ME2: variants seen among roughly 807,000 people sequenced by gnomAD.
ME2 encodes NAD-dependent malic enzyme, mitochondrial.
ME2 carries 60 observed loss-of-function variants against 73.7 expected under a neutral mutation model. That is an observed-to-expected ratio of 0.81 (90% CI 0.66 to 1.01). The LOEUF is 1.01. Among genes scored for constraint, ME2 ranks in the 50% least tolerant of loss-of-function variants. The probability of loss-of-function intolerance (pLI) is 0.00; values close to 1 mark genes in which losing one functional copy is unlikely to be tolerated. For synonymous variants in ME2, 199 were observed against 236.9 expected, an observed-to-expected ratio of 0.84 and a Z score of 1.47; for missense variants, 594 against 705.5, an observed-to-expected ratio of 0.84 and a Z score of 1.79.
intron 11 of ME2, 63 bp from the exon 12 acceptor site, chr18:50,925,693 A>G (rs531290024): frequency 1.0e-5 from 14 of 1,340,298 alleles, no homozygotes; most frequent in South Asian, 1.2e-5. Flanking sequence ...TAGAAATGCT[A>G]TTGATAAGCA....
At chr18:50,919,499 T>C in intron 7 of ME2, among the ~76,000 whole-genome samples, 1 of 152,148 alleles carries the variant, frequency 6.6e-6, no homozygotes, top group Non-Finnish European at 1.5e-5. Context: ...AGTACCTTCT[T>C]AGTTACCCCA....
intron 12 of ME2, among the ~76,000 whole-genome samples, chr18:50,929,733 C>T (rs1477547517): frequency 6.6e-6 from 1 of 152,036 alleles, no homozygotes; most frequent in African/African-American, 2.4e-5. Context: ...AGCTTGATTG[C>T]CTGTCCTCTT....
In ME2 at chr18:50,879,149, GT is replaced by G. The variant is rs1916246466; in HGVS notation, c.-171del. 1 of 152,220 alleles carries G rather than the reference GT, an allele frequency of 6.6e-6. No homozygotes were observed. Among genetic ancestry groups the G allele is most frequent in the Non-Finnish European group, 1.5e-5 (1 of 68,060 alleles). 9.4% of individuals were successfully genotyped at this position (152,220 alleles called of 1,614,324 possible). A position where few individuals can be genotyped will look rare whatever the true frequency, so the allele number is the denominator to read the frequency against. Reference sequence around the variant, plus strand: ...GCCGCTCTTCGGGCCGCCTCTGCGTGTGGGGCCGCCCGCGCCAGTGTGAGCC... The same window carrying G: ...GCCGCTCTTCGGGCCGCCTCTGCGTGGGGGCCGCCCGCGCCAGTGTGAGCC... On this transcript the variant is annotated 5_prime_UTR_variant, in exon 1 of 16. Transcript: ENST00000321341.
In ME2 at chr18:50,950,749, A is replaced by G. The variant is rs542413753; in HGVS notation, c.*3565A>G. On this transcript the variant is annotated 3_prime_UTR_variant, in exon 16 of 16. Transcript: ENST00000321341. ...AGTGATCCAACCACCTCAGCCTCCC[A>G]AAGTGCTGGAATTACAGGCATGAGC... is the stretch of plus-strand genomic sequence containing the variant. The G allele has an allele frequency of 4.6e-5, 7 of 152,228 alleles. No homozygotes were observed. The East Asian group carries it at 1.4e-3, about 30-fold the overall frequency. 9.4% of individuals were successfully genotyped at this position (152,228 alleles called of 1,614,324 possible).
In ME2 at chr18:50,895,185, T is replaced by C. The variant is rs192079861; in HGVS notation, c.-12-624T>C. On this transcript the variant is annotated intron_variant, in intron 1 of 15. Transcript: ENST00000321341. ...TTTAGATTTAATGTATAGTTTTCTCTTTAAAAATGTCCATGTTTATGATGG... is the reference window on the plus strand; with the variant it reads ...TTTAGATTTAATGTATAGTTTTCTCCTTAAAAATGTCCATGTTTATGATGG... Among the ~76,000 whole-genome samples, 177 of 152,222 alleles carry C rather than the reference T, an allele frequency of 1.2e-3. 1 individual carries two copies. Among genetic ancestry groups the C allele is most frequent in the African/African-American group, 4.2e-3 (175 of 41,566 alleles).
At chr18:50,932,200 C>G (rs1459513397) in intron 12 of ME2, 58 bp from the exon 13 acceptor site, 1 of 1,449,910 alleles carries the variant, frequency 6.9e-7, no homozygotes. Flanking sequence ...ATGAATTCAC[C>G]TCAATTTTCT....
At chr18:50,946,526 CAGTGAT>C (rs1285954173) in intron 15 of ME2, among the ~76,000 whole-genome samples, 2 of 152,206 alleles carry the variant, frequency 1.3e-5, no homozygotes, top group Non-Finnish European at 2.9e-5. Flanking sequence ...GCCTGGCACT[CAGTGAT>C]AGTGGTGTCA....
At position 50,953,170 on chromosome 18, in the gene ME2, G is replaced by A. The variant is rs936599134; in HGVS notation, c.*5986G>A. The A allele has an allele frequency of 6.7e-6, 1 of 148,556 alleles. No homozygotes were observed. Among genetic ancestry groups the A allele is most frequent in the African/African-American group, 2.5e-5 (1 of 39,818 alleles). The allele number at this position is 148,556 out of a possible 1,614,324, so 9.2% of individuals were successfully genotyped here. ...GCTGGAGTGCAGTGGCGCAATCTCA[G>A]CTCACTGCAAGCTCCGCCTCCCGGG... On this transcript the variant is annotated 3_prime_UTR_variant, in exon 16 of 16. Coordinates refer to ENST00000321341, the MANE Select transcript of ME2 (RefSeq NM_002396.5).
intron 2 of ME2, among the ~76,000 whole-genome samples, chr18:50,900,199 A>C (rs990919931): frequency 9.2e-5 from 14 of 152,018 alleles, no homozygotes; most frequent in Admixed American, 7.9e-4. Flanking sequence ...ACAAAGTCTT[A>C]AAAATTGAGT....
intron 1 of ME2, 75 bp from the exon 2 acceptor site, chr18:50,895,734 A>G: frequency 1.1e-6 from 1 of 917,602 alleles, no homozygotes; most frequent in South Asian, 1.5e-5. Context: ...ATGTGTTTTG[A>G]AAACTGATAC....
chr18:50,923,609 G>A (rs968459243), intron 10 of ME2, among the ~76,000 whole-genome samples: 9 of 151,980 alleles, frequency 5.9e-5, no homozygotes, highest in African/African-American at 1.9e-4. Context: ...AAAATCATCC[G>A]GGCATGGTGG....
intron 11 of ME2, among the ~76,000 whole-genome samples, chr18:50,925,339 C>T (rs977851364): frequency 6.6e-6 from 1 of 152,032 alleles, no homozygotes. Context: ...ATTAGCCGGG[C>T]GTGGTGGCAC....
rs750666613 is a variant in ME2, at chr18:50,918,252, A to G, written c.734+39A>G. The G allele has an allele frequency of 5.7e-6, 8 of 1,407,364 alleles. 1 individual carries two copies. In the South Asian group the frequency reaches 9.6e-5, roughly 17 times the overall value. 87.2% of individuals were successfully genotyped at this position (1,407,364 alleles called of 1,614,324 possible). A position where few individuals can be genotyped will look rare whatever the true frequency, so the allele number is the denominator to read the frequency against. On this transcript the variant is annotated intron_variant, in intron 7 of 15. Coordinates refer to ENST00000321341, the MANE Select transcript of ME2 (RefSeq NM_002396.5). ...GTTTGAGTATATGAAAGCACCTTTA[A>G]TGGGGTGGGTGGGGTAAGAACCAAA...
At chr18:50,886,750 C>T (rs551959549) in intron 1 of ME2, among the ~76,000 whole-genome samples, 8 of 152,180 alleles carry the variant, frequency 5.3e-5, no homozygotes, top group African/African-American at 1.9e-4. Flanking sequence ...CCTGTAATCT[C>T]AGCACTTTGG....
At position 50,947,492 on chromosome 18, in the gene ME2, A is replaced by G. The variant is rs8091808; in HGVS notation, c.*308A>G. ...ACTTGTACTCTAATTCAGACTTGCCAAAGTATTTGCTATTTACTATTATGG... is the reference window on the plus strand; with the variant it reads ...ACTTGTACTCTAATTCAGACTTGCCGAAGTATTTGCTATTTACTATTATGG... On this transcript the variant is annotated 3_prime_UTR_variant, in exon 16 of 16. Transcript: ENST00000321341. 330 of 244,444 alleles carry G rather than the reference A, an allele frequency of 1.4e-3. 2 individuals carry two copies. The highest frequency in any genetic ancestry group is 7.2e-3 in the African/African-American group (321 of 44,754). The allele number at this position is 244,444 out of a possible 1,614,324, so 15.1% of individuals were successfully genotyped here.
At chr18:50,909,517 A>C (rs1308590491) in intron 3 of ME2, among the ~76,000 whole-genome samples, 1 of 152,228 alleles carries the variant, frequency 6.6e-6, no homozygotes, top group African/African-American at 2.4e-5. Flanking sequence ...TAGCAGGCAA[A>C]GTATTCTGGG....
intron 14 of ME2, 92 bp downstream of exon 14, chr18:50,939,732 T>A: frequency 1.3e-6 from 1 of 793,808 alleles, no homozygotes; most frequent in Non-Finnish European, 2.1e-6. Context: ...ATGGGTTAAA[T>A]CTGCCTTATT....
intron 2 of ME2, among the ~76,000 whole-genome samples, chr18:50,896,636 T>G (rs1275492530): frequency 6.6e-6 from 1 of 152,134 alleles, no homozygotes; most frequent in South Asian, 2.1e-4. Flanking sequence ...ATACATTGAG[T>G]TTATTGCAAT....
Position 50,902,943 on chromosome 18 carries a change from C to T in ME2, c.109-5120C>T, listed in dbSNP as rs1052155310. Among the ~76,000 whole-genome samples the T allele has an allele frequency of 2.0e-5, 3 of 152,258 alleles. No individual in the cohort carries two copies. In the South Asian group the frequency reaches 6.2e-4, roughly 32 times the overall value. On this transcript the variant is annotated intron_variant, in intron 2 of 15. Coordinates refer to ENST00000321341, the MANE Select transcript of ME2 (RefSeq NM_002396.5). ...CTTTACTGGCCCCCTAGCATGTTTA[C>T]CTGAATGTTCAAGTGTCTGTTTAAG...
Sources: gnomAD v4.1 joint callset for allele counts (sites outside exome capture counted in the v4.1 genomes callset) on GRCh38, gnomAD v4.1.1 for gene constraint, MANE v1.5 for transcripts, NCBI Gene and HGNC (gene_info 2026-07-23, HGNC 2026-07-21) for gene names.